Variants in BCAS3 observed in about 807,000 individuals in gnomAD.
The protein encoded by BCAS3 is BCAS4/BCAS3 fusion.
BCAS3 carries 53 observed loss-of-function variants against 116.1 expected under a neutral mutation model. The observed-to-expected ratio is 0.46, with a 90% CI of 0.37 to 0.57. The LOEUF (loss-of-function observed/expected upper bound fraction) is 0.57. Among genes scored for constraint, BCAS3 ranks in the 20% least tolerant of loss-of-function variants. The probability of loss-of-function intolerance (pLI) is 0.00; values close to 1 mark genes in which losing one functional copy is unlikely to be tolerated. For missense variants in BCAS3, 917 were observed against 1,165.4 expected (o/e 0.79, Z 3.10); for synonymous variants, 391 against 408.2 (o/e 0.96, Z 0.51).
chr17:61,358,824 C>T (rs2058294751), intron 22 of BCAS3, among the ~76,000 whole-genome samples: 1 of 152,056 alleles, frequency 6.6e-6, no homozygotes. Flanking sequence ...TGCCAAATTG[C>T]CCGTCAGATA....
At chr17:60,768,370 C>T (rs985525992) in intron 6 of BCAS3, among the ~76,000 whole-genome samples, 1 of 152,138 alleles carries the variant, frequency 6.6e-6, no homozygotes, top group Non-Finnish European at 1.5e-5. Context: ...ATCTAATTAG[C>T]TGCTAGCATA....
chr17:60,975,133 C>T (rs1435748163), intron 14 of BCAS3, among the ~76,000 whole-genome samples: 1 of 151,574 alleles, frequency 6.6e-6, no homozygotes, highest in Non-Finnish European at 1.5e-5. Context: ...TCCCGAGTAG[C>T]TGGGACTACA....
chr17:60,782,520 C>A (rs2045920951), intron 6 of BCAS3, among the ~76,000 whole-genome samples: 1 of 151,248 alleles, frequency 6.6e-6, no homozygotes, highest in Non-Finnish European at 1.5e-5. Flanking sequence ...CTGTTCAGAT[C>A]AAATGTTGTG....
intron 6 of BCAS3, among the ~76,000 whole-genome samples, chr17:60,778,315 A>G (rs2045497621): frequency 6.6e-6 from 1 of 151,976 alleles, no homozygotes; most frequent in Non-Finnish European, 1.5e-5. Context: ...AACTCATTTC[A>G]TCTCCTCTGA....
rs1270085909 is a variant in BCAS3 at position 61,007,089 on chromosome 17, T to C, written c.1487-8662T>C. ...AGATTTTGTTCATTTAACTTACAAG[T>C]TTGGGTTGACTCTGTGATTGAAACT... On this transcript the variant is annotated intron_variant, in intron 15 of 23. Coordinates refer to ENST00000407086, the MANE Select transcript of BCAS3 (RefSeq NM_017679.5). The surrounding 1 kb of genome is among the most constrained non-coding windows in gnomAD (Gnocchi z 4.3). 6.6e-6 allele frequency among the ~76,000 whole-genome samples: 1 copy of C among 152,020 alleles called. No individual in the cohort carries two copies. The highest frequency in any genetic ancestry group is 1.5e-5 in the Non-Finnish European group (1 of 67,966).
chr17:61,149,855 T>G lies in BCAS3; in HGVS notation c.2425+65291T>G, dbSNP rs560006749. On this transcript the variant is annotated intron_variant, in intron 22 of 23. Transcript: ENST00000407086. ...CTGGATGAAAGTGTTTCAGGAAAAA[T>G]CATAAAAGAATCTATGGTAGCTCAG... Among the ~76,000 whole-genome samples the G allele has an allele frequency of 2.6e-5, 4 of 152,290 alleles. No individual in the cohort carries two copies. In the South Asian group the frequency reaches 8.3e-4, roughly 32 times the overall value.
chr17:60,965,465 G>GC (rs1177709096), intron 14 of BCAS3, among the ~76,000 whole-genome samples: 2 of 151,836 alleles, frequency 1.3e-5, no homozygotes, highest in African/African-American at 4.8e-5. Flanking sequence ...CAAGTGATCT[G>GC]CCCCCTCGGC....
chr17:61,388,477 C>T lies in BCAS3; in HGVS notation c.2594-3500C>T. The T allele has an allele frequency of 2.8e-6, 2 of 720,616 alleles. No homozygotes were observed. The highest frequency in any genetic ancestry group is 4.5e-6 in the Non-Finnish European group (2 of 442,054). 44.6% of individuals were successfully genotyped at this position (720,616 alleles called of 1,614,324 possible). ...CCTACACATGCATGTCACTGTCCTCCTTGACTGCAAACTCCCCCTCCTCAC... is the reference window on the plus strand; with the variant it reads ...CCTACACATGCATGTCACTGTCCTCTTTGACTGCAAACTCCCCCTCCTCAC... On this transcript the variant is annotated intron_variant, in intron 23 of 23. Coordinates refer to ENST00000407086, the MANE Select transcript of BCAS3 (RefSeq NM_017679.5). This position sits in a 1 kb window ranked among gnomAD's most constrained non-coding sequence, Gnocchi z 6.5.
chr17:60,870,242 AT>A (rs1237403980), intron 8 of BCAS3, among the ~76,000 whole-genome samples: 1 of 152,200 alleles, frequency 6.6e-6, no homozygotes, highest in African/African-American at 2.4e-5. Flanking sequence ...GAAATTTTAA[AT>A]TTGAGGAAGG....
intron 22 of BCAS3, among the ~76,000 whole-genome samples, chr17:61,284,402 G>A (rs1211302804): frequency 6.6e-6 from 1 of 152,160 alleles, no homozygotes; most frequent in African/African-American, 2.4e-5. Context: ...TGAAGTCAGC[G>A]AGACCACGAA....
At chr17:60,986,971 G>A (rs996143782) in intron 14 of BCAS3, 8 of 152,088 alleles carry the variant, frequency 5.3e-5, no homozygotes, top group African/African-American at 1.9e-4. Context: ...GGAGATCTTA[G>A]ATTTAAGTTT....
chr17:60,820,925 G>A (rs1266542129), intron 7 of BCAS3, among the ~76,000 whole-genome samples: 1 of 152,146 alleles, frequency 6.6e-6, no homozygotes, highest in African/African-American at 2.4e-5. Context: ...AAGTAAAATG[G>A]TATGAATTTT....
In BCAS3 at chr17:61,028,115, G is replaced by GT. The variant is rs1272060510; in HGVS notation, c.1638-6545dup. On this transcript the variant is annotated intron_variant, in intron 16 of 23. Transcript: ENST00000407086. The surrounding 1 kb of genome is among the most constrained non-coding windows in gnomAD (Gnocchi z 4.3). ...TTACACTAGAAAAAAACATTCCAACGTTTTTTCCTCTTGGACAGAAAGAAG... is the reference window on the plus strand; with the variant it reads ...TTACACTAGAAAAAAACATTCCAACGTTTTTTTCCTCTTGGACAGAAAGAAG... 6.6e-6 allele frequency among the ~76,000 whole-genome samples: 1 copy of GT among 151,754 alleles called. No homozygotes were observed.
rs543906728 is a variant in BCAS3, at chr17:60,995,706, T to C, written c.1486+5471T>C. Reference sequence around the variant, plus strand: ...GTTAGAATGAAGAGCTTTTTATTCATAGTAACAACTTAAAAAAACATCTCC... The same window carrying C: ...GTTAGAATGAAGAGCTTTTTATTCACAGTAACAACTTAAAAAAACATCTCC... On this transcript the variant is annotated intron_variant, in intron 15 of 23. Coordinates refer to ENST00000407086, the MANE Select transcript of BCAS3 (RefSeq NM_017679.5). The surrounding 1 kb of genome is among the most constrained non-coding windows in gnomAD (Gnocchi z 4.7). 1.3e-5 allele frequency among the ~76,000 whole-genome samples: 2 copies of C among 152,288 alleles called. No homozygotes were observed. Among genetic ancestry groups the C allele is most frequent in the South Asian group, 4.1e-4 (2 of 4,830 alleles).
At chr17:61,069,608 C>T (rs1428022008) in intron 19 of BCAS3, among the ~76,000 whole-genome samples, 4 of 151,980 alleles carry the variant, frequency 2.6e-5, no homozygotes, top group Admixed American at 2.0e-4. Flanking sequence ...GAGGCTAAGG[C>T]GGGTGGATCA....
At chr17:61,031,554 T>C (rs868190156) in intron 16 of BCAS3, among the ~76,000 whole-genome samples, 2 of 152,130 alleles carry the variant, frequency 1.3e-5, no homozygotes, top group South Asian at 2.1e-4. Flanking sequence ...TTCTCCTTTT[T>C]ATTCCTCTGC....
intron 22 of BCAS3, among the ~76,000 whole-genome samples, chr17:61,284,514 G>A (rs779925774): frequency 6.6e-6 from 1 of 152,124 alleles, no homozygotes; most frequent in African/African-American, 2.4e-5. Context: ...GAGGGTCCGC[G>A]GCTGGTTCTT....
Position 61,078,536 on chromosome 17 carries a change from A to T in BCAS3, c.2327+7A>T. ...TTGATCTCAACAGTCTCAGGTAGGA[A>T]ATGAGAATTAGGGAGTGATTTGAAC... On this transcript the variant is annotated splice_region_variant and intron_variant, in intron 21 of 23. Transcript: ENST00000407086. The T allele has an allele frequency of 6.2e-7, 1 of 1,606,908 alleles. No individual in the cohort carries two copies. Among genetic ancestry groups the T allele is most frequent in the East Asian group, 2.2e-5 (1 of 44,860 alleles).
chr17:61,089,975 T>C (rs2073417143), intron 22 of BCAS3, among the ~76,000 whole-genome samples: 1 of 152,140 alleles, frequency 6.6e-6, no homozygotes. Flanking sequence ...TGAGAGACAT[T>C]GTTCAGTCTA....
Sources: gnomAD v4.1 joint callset for allele counts (sites outside exome capture counted in the v4.1 genomes callset) on GRCh38, gnomAD v4.1.1 for gene constraint, Gnocchi (gnomAD v3.1) non-coding constraint, MANE v1.5 for transcripts, NCBI Gene and HGNC (gene_info 2026-07-23, HGNC 2026-07-21) for gene names.